Variants in TIAM2 observed in about 807,000 individuals in gnomAD.
The protein encoded by TIAM2 is TIAM Rac1 associated GEF 2.
A neutral mutation model predicts 152.9 loss-of-function variants in TIAM2; 80 were observed. The ratio of observed to expected loss-of-function variants is 0.52; its 90% CI spans 0.44 to 0.63. TIAM2 has a LOEUF of 0.63. Among genes scored for constraint, TIAM2 ranks in the 30% least tolerant of loss-of-function variants. The probability of loss-of-function intolerance (pLI) is 0.00; values close to 1 mark genes in which losing one functional copy is unlikely to be tolerated. For missense variants in TIAM2, 1,965 were observed against 2,120.1 expected (o/e 0.93, Z 1.44); for synonymous variants, 804 against 838.0 (o/e 0.96, Z 0.70).
chr6:155,171,698 C>G (rs566799284), intron 9 of TIAM2, among the ~76,000 whole-genome samples: 4 of 152,278 alleles, frequency 2.6e-5, no homozygotes, highest in Admixed American at 1.3e-4. Flanking sequence ...AATACACAAC[C>G]CTACATAGCA....
At position 155,092,319 on chromosome 6, in the gene TIAM2, A is replaced by G. The variant is rs1466625202; in HGVS notation, c.-118+1940A>G. On this transcript the variant is annotated intron_variant, in intron 2 of 26. Coordinates refer to ENST00000682666, the MANE Select transcript of TIAM2 (RefSeq NM_012454.4). ...TGCTATGTTGCTCAGGCTGGTCTCAATCTCCTGGGCTCAAGTGATCCGCCC... is the reference window on the plus strand; with the variant it reads ...TGCTATGTTGCTCAGGCTGGTCTCAGTCTCCTGGGCTCAAGTGATCCGCCC... Among the ~76,000 whole-genome samples, 5 of 151,888 alleles carry G rather than the reference A, an allele frequency of 3.3e-5. No homozygotes were observed. In the East Asian group the frequency reaches 9.8e-4, roughly 30 times the overall value.
intron 15 of TIAM2, among the ~76,000 whole-genome samples, chr6:155,222,878 C>T (rs1782104887): frequency 1.3e-5 from 2 of 152,116 alleles, no homozygotes; most frequent in South Asian, 4.1e-4. Context: ...TTAGCAGAAC[C>T]CTATTAGAAT....
intron 1 of TIAM2, among the ~76,000 whole-genome samples, chr6:155,028,005 AAT>A (rs1776648757): frequency 7.6e-6 from 1 of 131,580 alleles, no homozygotes; most frequent in Non-Finnish European, 1.5e-5. Context: ...TACTATATAT[AAT>A]ATATGTACTG....
intron 26 of TIAM2, 41 bp downstream of exon 26, chr6:155,254,614 T>C: frequency 6.3e-7 from 1 of 1,598,680 alleles, no homozygotes; most frequent in South Asian, 1.1e-5. Context: ...AACAAAATAT[T>C]ATGAGCTTCT....
At chr6:155,220,677 A>G (rs542546634) in intron 15 of TIAM2, among the ~76,000 whole-genome samples, 14 of 152,296 alleles carry the variant, frequency 9.2e-5, no homozygotes, top group African/African-American at 3.4e-4. Context: ...TAATGAAAAA[A>G]TAGGGATTTG....
intron 1 of TIAM2, among the ~76,000 whole-genome samples, chr6:155,068,953 C>T (rs1415633731): frequency 1.3e-5 from 2 of 151,890 alleles, no homozygotes; most frequent in African/African-American, 4.8e-5. Flanking sequence ...GGTCTTGCTC[C>T]ATCGCCCAGG....
At chr6:155,253,398 C>A in intron 24 of TIAM2, 1 of 258,900 alleles carries the variant, frequency 3.9e-6, no homozygotes, top group Non-Finnish European at 7.4e-6. Flanking sequence ...GCAGAAAATT[C>A]CTTAAGGTTA....
At chr6:155,019,341 G>C (rs1275986803) in intron 1 of TIAM2, among the ~76,000 whole-genome samples, 1 of 151,394 alleles carries the variant, frequency 6.6e-6, no homozygotes, top group African/African-American at 2.4e-5. Flanking sequence ...CTAAAAAAAA[G>C]AAAAGAAAAA....
intron 1 of TIAM2, among the ~76,000 whole-genome samples, chr6:155,028,622 AATAT>A (rs201000748): frequency 1.0e-5 from 1 of 98,150 alleles, no homozygotes; most frequent in African/African-American, 3.9e-5. Flanking sequence ...TACTACATAT[AATAT>A]ATATACTGTG....
chr6:155,055,060 G>T (rs777943106), intron 1 of TIAM2, among the ~76,000 whole-genome samples: 1 of 152,148 alleles, frequency 6.6e-6, no homozygotes, highest in Non-Finnish European at 1.5e-5. Context: ...GTGGAACTGC[G>T]ATCTGGAGCC....
chr6:155,136,062 C>T (rs940060914), intron 4 of TIAM2, among the ~76,000 whole-genome samples: 20 of 151,270 alleles, frequency 1.3e-4, no homozygotes, highest in Admixed American at 5.9e-4. Context: ...GGTGTGGTGG[C>T]GCATGCCTGT....
chr6:155,107,584 G>C (rs1186675683), intron 2 of TIAM2, among the ~76,000 whole-genome samples: 2 of 152,200 alleles, frequency 1.3e-5, no homozygotes, highest in Non-Finnish European at 2.9e-5. Context: ...GTATTTTGCA[G>C]TTTTTGGGTT....
intron 15 of TIAM2, among the ~76,000 whole-genome samples, chr6:155,238,494 C>G (rs893703457): frequency 7.2e-5 from 11 of 152,228 alleles, no homozygotes; most frequent in Non-Finnish European, 1.6e-4. Context: ...ACTGAAGGAG[C>G]TCAGCCATCT....
chr6:155,081,917 A>G (rs1333886295), intron 1 of TIAM2, among the ~76,000 whole-genome samples: 1 of 152,032 alleles, frequency 6.6e-6, no homozygotes, highest in African/African-American at 2.4e-5. Context: ...TGTTGTGCCA[A>G]TCTTCTGCCT....
chr6:155,087,080 G>A (rs1778186963), intron 1 of TIAM2, among the ~76,000 whole-genome samples: 1 of 152,200 alleles, frequency 6.6e-6, no homozygotes, highest in South Asian at 2.1e-4. Flanking sequence ...GAGGTTCGGG[G>A]TATGATGGTA....
At position 155,244,055 on chromosome 6, in the gene TIAM2, T is replaced by G; in HGVS notation, c.3393T>G (p.Asn1131Lys). The G allele has an allele frequency of 1.2e-6, 2 of 1,614,128 alleles. No homozygotes were observed. Among genetic ancestry groups the G allele is most frequent in the Non-Finnish European group, 1.7e-6 (2 of 1,180,010 alleles). ...LFELYLEPLQNETFLTQDEME... is the reference protein window; with the variant it reads ...LFELYLEPLQKETFLTQDEME... ...AATTATACTTGGAGCCACTTCAGAATGAGACCTTTCTTACCCAAGATGAGG... is the reference window on the plus strand; with the variant it reads ...AATTATACTTGGAGCCACTTCAGAAGGAGACCTTTCTTACCCAAGATGAGG... The change falls in exon 17 of 27, where the codon AAT becomes AAG. Residue 1131 changes from asparagine (N) to lysine (K), a missense_variant. Asn to Lys is a moderately conservative substitution (Grantham distance 94). Around this residue, in one of 3 missense-constraint regions of TIAM2, gnomAD observed 935 missense variants for 980.0 expected, o/e 0.95. Coordinates refer to ENST00000682666, the MANE Select transcript of TIAM2 (RefSeq NM_012454.4).
intron 12 of TIAM2, among the ~76,000 whole-genome samples, chr6:155,180,892 A>C (rs1488301858): frequency 6.6e-6 from 1 of 152,192 alleles, no homozygotes; most frequent in East Asian, 1.9e-4. Flanking sequence ...TACAGGCATG[A>C]GCCACTGTGC....
In TIAM2 at chr6:155,179,140, A is replaced by G; in HGVS notation, c.2625A>G (p.Gln875=). 1 of 1,611,768 alleles carries G rather than the reference A, an allele frequency of 6.2e-7. No homozygotes were observed. The highest frequency in any genetic ancestry group is 8.5e-7 in the Non-Finnish European group (1 of 1,178,386). ...CTGCACCATATGAATATATGCAACA[A>G]CAGGTAAGTGTGCACTAGCTTTAGG... The part of the protein sequence containing the change: ...CIPAPYEYMQ[Q]QVYDEIEVFP... Residue 875 remains glutamine, a synonymous_variant, in exon 11 of 27, where the codon CAA becomes CAG. Coordinates refer to ENST00000682666, the MANE Select transcript of TIAM2 (RefSeq NM_012454.4).
At chr6:155,153,183 C>CCTAA (rs1780015426) in intron 7 of TIAM2, among the ~76,000 whole-genome samples, 1 of 152,106 alleles carries the variant, frequency 6.6e-6, no homozygotes, top group Non-Finnish European at 1.5e-5. Flanking sequence ...TAGCCCAGGC[C>CCTAA]CTAACCCCTT....
Sources: gnomAD v4.1 joint callset for allele counts (sites outside exome capture counted in the v4.1 genomes callset) on GRCh38, gnomAD v4.1.1 for gene constraint, gnomAD v4.1.1 regional missense constraint, MANE v1.5 for transcripts, NCBI Gene and HGNC (gene_info 2026-07-23, HGNC 2026-07-21) for gene names.